The following ZKSCAN8 variants were observed in gnomAD, a reference collection of about 807,000 sequenced individuals.
ZKSCAN8 encodes the protein zinc finger with KRAB and SCAN domains 8.
A neutral mutation model predicts 57.2 loss-of-function variants in ZKSCAN8; 27 were observed. The ratio of observed to expected loss-of-function variants is 0.47; its 90% CI spans 0.35 to 0.65. The LOEUF (loss-of-function observed/expected upper bound fraction) is 0.65. Ranked by LOEUF, ZKSCAN8 falls within the 30% of genes least tolerant of loss-of-function variation. ZKSCAN8 has a pLI of 0.01. For synonymous variants in ZKSCAN8, 214 were observed against 248.7 expected, an observed-to-expected ratio of 0.86 and a Z score of 1.31; for missense variants, 597 against 696.3, an observed-to-expected ratio of 0.86 and a Z score of 1.60.
Position 28,153,518 on chromosome 6 carries a change from A to C in ZKSCAN8, c.1238A>C (p.Lys413Thr). 1 of 1,612,248 alleles carries C rather than the reference A, an allele frequency of 6.2e-7. No individual in the cohort carries two copies. The highest frequency in any genetic ancestry group is 8.5e-7 in the Non-Finnish European group (1 of 1,178,460). ...EKPYQCNQCG[K>T]AFSQSAGLIL... is the part of the protein sequence containing the mutation. Reference sequence around the variant, plus strand: ...CCATATCAGTGCAATCAGTGTGGGAAGGCTTTCAGTCAGAGTGCGGGCCTT... The same window carrying C: ...CCATATCAGTGCAATCAGTGTGGGACGGCTTTCAGTCAGAGTGCGGGCCTT... Residue 413 changes from lysine to threonine, a missense_variant, in exon 6 of 6, where the codon AAG becomes ACG. Physicochemically the swap from Lys to Thr is moderately conservative, Grantham distance 78 (BLOSUM62 -1). Coordinates refer to ENST00000330236, the MANE Select transcript of ZKSCAN8 (RefSeq NM_006298.4).
chr6:28,144,992 G>A lies in ZKSCAN8; in HGVS notation c.-93+2963G>A, dbSNP rs1465114699. On this transcript the variant is annotated intron_variant, in intron 1 of 5. Coordinates refer to ENST00000330236, the MANE Select transcript of ZKSCAN8 (RefSeq NM_006298.4). This position sits in a 1 kb window ranked among gnomAD's most constrained non-coding sequence, Gnocchi z 4.5. ...GAATGGCGTGAACCCGGGAGGCGGA[G>A]GTTGCAGTGAGCCGAGTTCGCGCCA... 6.6e-6 allele frequency among the ~76,000 whole-genome samples: 1 copy of A among 152,192 alleles called. No individual in the cohort carries two copies. The highest frequency in any genetic ancestry group is 1.5e-5 in the Non-Finnish European group (1 of 68,030).
Position 28,153,273 on chromosome 6 carries a change from T to TGA in ZKSCAN8, c.994_995insAG (p.Ala332GlufsTer45). The TGA allele has an allele frequency of 6.2e-7, 1 of 1,614,206 alleles. No individual in the cohort carries two copies. The highest frequency in any genetic ancestry group is 8.5e-7 in the Non-Finnish European group (1 of 1,180,022). On this transcript the variant is annotated frameshift_variant, in exon 6 of 6. Transcript: ENST00000330236. LOFTEE classifies it high-confidence loss of function. The stretch of plus-strand genomic sequence containing the variant: ...AATGTGATGAATGTGGGAAAAGCTT[T>TGA]GCTCAGAGCTCAGGCCTTGTTCGCC...
chr6:28,157,348 G>C lies in ZKSCAN8; in HGVS notation c.*3331G>C, dbSNP rs1458968310. The C allele has an allele frequency of 2.0e-5, 3 of 152,182 alleles. No individual in the cohort carries two copies. Among genetic ancestry groups the C allele is most frequent in the Non-Finnish European group, 4.4e-5 (3 of 68,030 alleles). 9.4% of individuals were successfully genotyped at this position (152,182 alleles called of 1,614,324 possible). On this transcript the variant is annotated 3_prime_UTR_variant, in exon 6 of 6. Transcript: ENST00000330236. ...GGGAATTGTGGGAGCTACAATTCAA[G>C]ATGAGATTTGGATGGGACACAGCCA...
chr6:28,151,150 G>C (rs1009667764), intron 3 of ZKSCAN8, among the ~76,000 whole-genome samples: 3 of 152,076 alleles, frequency 2.0e-5, no homozygotes, highest in African/African-American at 4.8e-5. Flanking sequence ...GCCATAGAAG[G>C]CCCCTTCAGT....
intron 1 of ZKSCAN8, among the ~76,000 whole-genome samples, chr6:28,147,985 T>G (rs1465035148): frequency 6.6e-6 from 1 of 151,708 alleles, no homozygotes; most frequent in Non-Finnish European, 1.5e-5. Context: ...CTAAAAGGGG[T>G]TAAATGAGCA....
intron 1 of ZKSCAN8, among the ~76,000 whole-genome samples, chr6:28,145,157 G>C (rs2113576117): frequency 6.6e-6 from 1 of 152,290 alleles, no homozygotes; most frequent in Non-Finnish European, 1.5e-5. Flanking sequence ...TGGGGGCTGT[G>C]TTGAGCATTG....
Position 28,154,066 on chromosome 6 carries a change from C to T in ZKSCAN8, c.*49C>T. Reference sequence around the variant, plus strand: ...GCATTATTCAGCATTAGGGAAACCACACACTGGTGAGAGGTCTTTCAGTGT... The same window carrying T: ...GCATTATTCAGCATTAGGGAAACCATACACTGGTGAGAGGTCTTTCAGTGT... On this transcript the variant is annotated 3_prime_UTR_variant, in exon 6 of 6. Transcript: ENST00000330236. 6.6e-7 allele frequency: 1 copy of T among 1,526,230 alleles called. No homozygotes were observed. The highest frequency in any genetic ancestry group is 8.7e-7 in the Non-Finnish European group (1 of 1,144,280). The allele number at this position is 1,526,230 out of a possible 1,614,324, so 94.5% of individuals were successfully genotyped here.
chr6:28,149,180 A>G (rs542045128), intron 2 of ZKSCAN8, among the ~76,000 whole-genome samples: 99 of 152,316 alleles, frequency 6.5e-4, no homozygotes, highest in African/African-American at 2.4e-3. Context: ...TTTCTACTGC[A>G]TAGCACTGCT....
intron 1 of ZKSCAN8, among the ~76,000 whole-genome samples, chr6:28,145,133 A>G (rs986530562): frequency 1.3e-5 from 2 of 152,174 alleles, no homozygotes; most frequent in Non-Finnish European, 2.9e-5. Context: ...TTTGGGCCAA[A>G]TAATTCTTTG....
In ZKSCAN8 at chr6:28,158,472, T is replaced by G. The variant is rs1168391755; in HGVS notation, c.*4455T>G. The G allele has an allele frequency of 6.6e-6, 1 of 152,134 alleles. No individual in the cohort carries two copies. Among genetic ancestry groups the G allele is most frequent in the Non-Finnish European group, 1.5e-5 (1 of 68,020 alleles). The allele number at this position is 152,134 out of a possible 1,614,324, so 9.4% of individuals were successfully genotyped here. ...CATCACCATATATCCCCAGCCCCCG[T>G]TTTCTTTTTAAACAGGCCTCATTGC... On this transcript the variant is annotated 3_prime_UTR_variant, in exon 6 of 6. Coordinates refer to ENST00000330236, the MANE Select transcript of ZKSCAN8 (RefSeq NM_006298.4).
intron 1 of ZKSCAN8, among the ~76,000 whole-genome samples, chr6:28,142,626 A>T (rs1016402277): frequency 6.6e-6 from 1 of 151,858 alleles, no homozygotes; most frequent in Admixed American, 6.6e-5. Flanking sequence ...CCAACGAGGA[A>T]CTCTGGGAGG....
intron 3 of ZKSCAN8, among the ~76,000 whole-genome samples, chr6:28,150,485 G>A (rs1305511899): frequency 6.6e-6 from 1 of 152,084 alleles, no homozygotes; most frequent in African/African-American, 2.4e-5. Context: ...TTCTTGCAGG[G>A]TTAATCATTG....
intron 3 of ZKSCAN8, among the ~76,000 whole-genome samples, chr6:28,150,903 T>C (rs1765570415): frequency 6.7e-6 from 1 of 150,026 alleles, no homozygotes; most frequent in Non-Finnish European, 1.5e-5. Flanking sequence ...GCCTCCCGGG[T>C]TCCAGCGATT....
intron 1 of ZKSCAN8, among the ~76,000 whole-genome samples, chr6:28,145,490 C>T (rs772477218): frequency 3.3e-5 from 5 of 151,772 alleles, no homozygotes; most frequent in African/African-American, 7.3e-5. Context: ...TCATGTTAGT[C>T]ATATTACATA....
At position 28,159,214 on chromosome 6, in the gene ZKSCAN8, A is replaced by C. The variant is rs573984901; in HGVS notation, c.*5197A>C. Reference sequence around the variant, plus strand: ...ATCACCTCATGCGATGACCTCCCTCATTCTGTGCTGCCTCAGCACTTATCT... The same window carrying C: ...ATCACCTCATGCGATGACCTCCCTCCTTCTGTGCTGCCTCAGCACTTATCT... On this transcript the variant is annotated 3_prime_UTR_variant, in exon 6 of 6. Coordinates refer to ENST00000330236, the MANE Select transcript of ZKSCAN8 (RefSeq NM_006298.4). 1 of 152,230 alleles carries C rather than the reference A, an allele frequency of 6.6e-6. No homozygotes were observed. The highest frequency in any genetic ancestry group is 2.1e-4 in the South Asian group (1 of 4,808). 9.4% of individuals were successfully genotyped at this position (152,230 alleles called of 1,614,324 possible).
At position 28,144,866 on chromosome 6, in the gene ZKSCAN8, G is replaced by A. The variant is rs1024256087; in HGVS notation, c.-93+2837G>A. Among the ~76,000 whole-genome samples the A allele has an allele frequency of 1.3e-5, 2 of 152,116 alleles. No homozygotes were observed. Among genetic ancestry groups the A allele is most frequent in the South Asian group, 4.1e-4 (2 of 4,826 alleles). On this transcript the variant is annotated intron_variant, in intron 1 of 5. Coordinates refer to ENST00000330236, the MANE Select transcript of ZKSCAN8 (RefSeq NM_006298.4). The surrounding 1 kb of genome is among the most constrained non-coding windows in gnomAD (Gnocchi z 4.5). Reference sequence around the variant, plus strand: ...AGGTCAGGAGATCGAGACCATCCTGGCTAACACAGTGAAACCCCATCTCTA... The same window carrying A: ...AGGTCAGGAGATCGAGACCATCCTGACTAACACAGTGAAACCCCATCTCTA...
At position 28,153,802 on chromosome 6, in the gene ZKSCAN8, C is replaced by T; in HGVS notation, c.1522C>T (p.His508Tyr). The T allele has an allele frequency of 6.2e-7, 1 of 1,613,936 alleles. No homozygotes were observed. Among genetic ancestry groups the T allele is most frequent in the Non-Finnish European group, 8.5e-7 (1 of 1,179,892 alleles). Residue 508 changes from histidine (H) to tyrosine (Y), a missense_variant, in exon 6 of 6, where the codon CAT becomes TAT. Coordinates refer to ENST00000330236, the MANE Select transcript of ZKSCAN8 (RefSeq NM_006298.4). ...AFSQKSGLIE[H>Y]QRIHTGERPY... ...CAGTCAGAAGTCAGGCCTTATTGAA[C>T]ATCAGAGAATCCACACTGGAGAAAG...
chr6:28,156,889 G>A lies in ZKSCAN8; in HGVS notation c.*2872G>A, dbSNP rs1765800319. On this transcript the variant is annotated 3_prime_UTR_variant, in exon 6 of 6. Transcript: ENST00000330236. ...GGAGCAAGGTGCAGTGCTAGAATAT[G>A]GTGGTTGATTCCCAAACAGAGCAGT... 6.6e-6 allele frequency: 1 copy of A among 152,150 alleles called. No individual in the cohort carries two copies. Among genetic ancestry groups the A allele is most frequent in the East Asian group, 1.9e-4 (1 of 5,192 alleles). 9.4% of individuals were successfully genotyped at this position (152,150 alleles called of 1,614,324 possible).
chr6:28,147,650 A>G lies in ZKSCAN8; in HGVS notation c.-92-666A>G, dbSNP rs546111680. Among the ~76,000 whole-genome samples, 4 of 152,328 alleles carry G rather than the reference A, an allele frequency of 2.6e-5. No individual in the cohort carries two copies. In the South Asian group the frequency reaches 6.2e-4, roughly 24 times the overall value. On this transcript the variant is annotated intron_variant, in intron 1 of 5. Transcript: ENST00000330236. ...CAGAATCTCACATAAATAAAATCATATAGTATGTAGCCTTTTGAGTGTGGG... is the reference window on the plus strand; with the variant it reads ...CAGAATCTCACATAAATAAAATCATGTAGTATGTAGCCTTTTGAGTGTGGG...
Sources: allele counts gnomAD v4.1 joint callset (sites outside exome capture counted in the v4.1 genomes callset), GRCh38; gene constraint gnomAD v4.1.1; non-coding constraint Gnocchi (gnomAD v3.1); transcripts MANE v1.5; gene names NCBI Gene and HGNC (gene_info 2026-07-23, HGNC 2026-07-21).